The following TANGO6 variants were observed in gnomAD, a reference collection of about 807,000 sequenced individuals.
The protein encoded by TANGO6 is transport and Golgi organization protein 6 homolog.
A neutral mutation model predicts 114.2 loss-of-function variants in TANGO6; 90 were observed. The ratio of observed to expected loss-of-function variants is 0.79; its 90% CI spans 0.66 to 0.94. TANGO6 has a LOEUF of 0.94. Ranked by LOEUF, TANGO6 falls within the 40% of genes least tolerant of loss-of-function variation. The pLI is 0.00. For missense variants in TANGO6, 1,274 were observed against 1,315.3 expected, an observed-to-expected ratio of 0.97 and a Z score of 0.49; for synonymous variants, 477 against 509.8, an observed-to-expected ratio of 0.94 and a Z score of 0.87.
chr16:69,042,728 T>C (rs1226632211), intron 17 of TANGO6, among the ~76,000 whole-genome samples: 2 of 152,162 alleles, frequency 1.3e-5, no homozygotes, highest in East Asian at 3.8e-4. Context: ...TACACATTGC[T>C]CTTATTGAGA....
intron 9 of TANGO6, among the ~76,000 whole-genome samples, chr16:68,907,099 A>ATTTTT (rs546359676): frequency 2.8e-3 from 325 of 114,570 alleles, no homozygotes; most frequent in Non-Finnish European, 4.3e-3. Context: ...CCAGACCTTG[A>ATTTTT]TTTTTTTTTT....
rs2152246683 is a variant in TANGO6, at chr16:69,083,946, C to T, written c.*285C>T. The T allele has an allele frequency of 3.9e-6, 1 of 253,910 alleles. No homozygotes were observed. Among genetic ancestry groups the T allele is most frequent in the South Asian group, 1.0e-4 (1 of 9,532 alleles). The allele number at this position is 253,910 out of a possible 1,614,324, so 15.7% of individuals were successfully genotyped here. On this transcript the variant is annotated 3_prime_UTR_variant, in exon 18 of 18. Coordinates refer to ENST00000261778, the MANE Select transcript of TANGO6 (RefSeq NM_024562.2). ...CTAGCATTGAAAGAAGGATGTCTACCTGGTGAAAGTATATTTTAACATGAC... is the reference window on the plus strand; with the variant it reads ...CTAGCATTGAAAGAAGGATGTCTACTTGGTGAAAGTATATTTTAACATGAC...
At chr16:68,852,812 A>G (rs910146599) in intron 1 of TANGO6, among the ~76,000 whole-genome samples, 3 of 152,192 alleles carry the variant, frequency 2.0e-5, no homozygotes, top group African/African-American at 7.2e-5. Context: ...AGCCTGGGTG[A>G]CAGAGCGAGA....
At chr16:68,923,862 C>G (rs1045611325) in intron 12 of TANGO6, among the ~76,000 whole-genome samples, 1 of 151,982 alleles carries the variant, frequency 6.6e-6, no homozygotes, top group African/African-American at 2.4e-5. Context: ...GGCATGAGCT[C>G]AAAAAGTTGA....
intron 14 of TANGO6, chr16:68,972,966 C>T: frequency 3.2e-6 from 1 of 313,066 alleles, no homozygotes; most frequent in African/African-American, 2.2e-5. Flanking sequence ...AGCAAGGAGG[C>T]CAGGAAGCAA....
intron 15 of TANGO6, among the ~76,000 whole-genome samples, chr16:68,980,383 T>TGATTACATGAGTATGAA (rs1555526453): frequency 2.7e-5 from 1 of 36,862 alleles, no homozygotes; most frequent in Non-Finnish European, 5.1e-5. Context: ...CTGTCTGTCA[T>TGATTACATGAGTATGAA]TCTCTCTCTC....
intron 15 of TANGO6, among the ~76,000 whole-genome samples, chr16:68,980,242 C>A (rs1041785180): frequency 6.0e-5 from 9 of 151,018 alleles, no homozygotes; most frequent in Non-Finnish European, 1.3e-4. Flanking sequence ...TTCATATTTT[C>A]TTTTTCATTT....
chr16:68,873,284 A>C (rs193105636), intron 4 of TANGO6, among the ~76,000 whole-genome samples: 94 of 151,976 alleles, frequency 6.2e-4, no homozygotes, highest in African/African-American at 2.3e-3. Context: ...TACTTGGCAT[A>C]ATGTTTTTGA....
chr16:68,854,843 G>A (rs1865851769), intron 1 of TANGO6, among the ~76,000 whole-genome samples: 1 of 152,022 alleles, frequency 6.6e-6, no homozygotes, highest in South Asian at 2.1e-4. Flanking sequence ...ATAGTAAGTT[G>A]GGTAGTATAA....
chr16:69,080,933 T>C (rs1960455708), intron 17 of TANGO6, among the ~76,000 whole-genome samples: 3 of 152,116 alleles, frequency 2.0e-5, no homozygotes, highest in Admixed American at 2.0e-4. Context: ...GGTCAGGAGA[T>C]CGAGACCATC....
chr16:69,072,281 T>C (rs1231973305), intron 17 of TANGO6, among the ~76,000 whole-genome samples: 2 of 152,030 alleles, frequency 1.3e-5, no homozygotes, highest in East Asian at 3.9e-4. Context: ...ATGGTGAAAG[T>C]GTTTGTTTCA....
intron 15 of TANGO6, among the ~76,000 whole-genome samples, chr16:68,991,332 T>C (rs1173103382): frequency 6.6e-6 from 1 of 152,156 alleles, no homozygotes; most frequent in Non-Finnish European, 1.5e-5. Context: ...AAGGAGAGCC[T>C]GGGCTGGGCA....
Position 68,909,348 on chromosome 16 carries a change from GA to G in TANGO6, c.1939del (p.Met647TrpfsTer23). 6.2e-7 allele frequency: 1 copy of G among 1,607,364 alleles called. No individual in the cohort carries two copies. The highest frequency in any genetic ancestry group is 1.1e-5 in the South Asian group (1 of 89,766). ...QERKLLVLQL[M>X]AVLCERMSEQ... ...AGCGGAAGCTGCTTGTCCTGCAGCT[GA>G]TGGCTGTTCTGTGCGAGAGAATGTC... On this transcript the variant is annotated frameshift_variant, in exon 11 of 18. Coordinates refer to ENST00000261778, the MANE Select transcript of TANGO6 (RefSeq NM_024562.2). LOFTEE classifies it high-confidence loss of function.
chr16:69,016,137 G>A lies in TANGO6; in HGVS notation c.2843-6691G>A, dbSNP rs191734607. Among the ~76,000 whole-genome samples the A allele has an allele frequency of 4.4e-3, 664 of 152,258 alleles. 1 individual carries two copies. The highest frequency in any genetic ancestry group is 0.014 in the Middle Eastern group (4 of 294). On this transcript the variant is annotated intron_variant, in intron 15 of 17. Coordinates refer to ENST00000261778, the MANE Select transcript of TANGO6 (RefSeq NM_024562.2). Reference sequence around the variant, plus strand: ...TGTCTTTCTTCCCCGCTAGAAGTAGGCTTCATGAAGATGGGAGCTTTGATT... The same window carrying A: ...TGTCTTTCTTCCCCGCTAGAAGTAGACTTCATGAAGATGGGAGCTTTGATT...
At chr16:68,921,063 G>T (rs1963084811) in intron 12 of TANGO6, among the ~76,000 whole-genome samples, 1 of 143,124 alleles carries the variant, frequency 7.0e-6, no homozygotes, top group South Asian at 2.2e-4. Context: ...AGGTTGCAGT[G>T]AGCCGAGATC....
In TANGO6 at chr16:68,900,386, C is replaced by T. The variant is rs770169755; in HGVS notation, c.1378-48C>T. Reference sequence around the variant, plus strand: ...TGTTTGGTGTGTGATTCCCGTTGCTCTGGCCAGGCAGTCATGGGATTATTC... The same window carrying T: ...TGTTTGGTGTGTGATTCCCGTTGCTTTGGCCAGGCAGTCATGGGATTATTC... On this transcript the variant is annotated intron_variant, in intron 7 of 17. Transcript: ENST00000261778. 7.9e-6 allele frequency: 12 copies of T among 1,523,674 alleles called. No individual in the cohort carries two copies. The East Asian group carries it at 2.3e-4, about 29-fold the overall frequency. 94.4% of individuals were successfully genotyped at this position (1,523,674 alleles called of 1,614,324 possible).
intron 17 of TANGO6, among the ~76,000 whole-genome samples, chr16:69,074,943 G>A (rs1960352170): frequency 6.6e-6 from 1 of 151,900 alleles, no homozygotes; most frequent in Non-Finnish European, 1.5e-5. Context: ...CCGCCTCCCA[G>A]GTTCAAGCAA....
intron 12 of TANGO6, among the ~76,000 whole-genome samples, chr16:68,923,016 C>T (rs565469741): frequency 3.7e-5 from 5 of 136,378 alleles, no homozygotes; most frequent in South Asian, 4.7e-4. Context: ...GGCACGATCT[C>T]GGCTCACCGC....
chr16:68,959,658 C>T (rs1963570997), intron 14 of TANGO6, among the ~76,000 whole-genome samples: 1 of 152,158 alleles, frequency 6.6e-6, no homozygotes, highest in Non-Finnish European at 1.5e-5. Flanking sequence ...TCCACCTTGC[C>T]TCTGTCACTG....
Sources: gnomAD v4.1 joint callset for allele counts (sites outside exome capture counted in the v4.1 genomes callset) on GRCh38, gnomAD v4.1.1 for gene constraint, MANE v1.5 for transcripts, NCBI Gene and HGNC (gene_info 2026-07-23, HGNC 2026-07-21) for gene names.